Variants in COL4A3 observed in about 807,000 individuals in gnomAD.
COL4A3 encodes the protein collagen type IV alpha 3 chain, also known as collagen alpha-3(IV) chain.
A neutral mutation model predicts 217.4 loss-of-function variants in COL4A3; 135 were observed. The ratio of observed to expected loss-of-function variants is 0.62; its 90% confidence interval spans 0.54 to 0.72. The LOEUF is 0.72. Ranked by LOEUF, COL4A3 falls within the 30% of genes least tolerant of loss-of-function variation. The pLI, the probability that COL4A3 is intolerant of heterozygous loss-of-function variation, is 0.00. For missense variants in COL4A3, 1,868 were observed against 2,119.9 expected, an observed-to-expected ratio of 0.88 and a Z score of 2.33; for synonymous variants, 690 against 736.3, an observed-to-expected ratio of 0.94 and a Z score of 1.02.
intron 9 of COL4A3, among the ~76,000 whole-genome samples, chr2:227,249,230 A>ATATATATATTTTTTTTTTTTTTT: frequency 2.0e-4 from 3 of 14,690 alleles, no homozygotes; most frequent in African/African-American, 2.7e-4. Flanking sequence ...ATATATATAT[A>ATATATATATTTTTTTTTTTTTTT]TTTTTTTTTT....
intron 1 of COL4A3, among the ~76,000 whole-genome samples, chr2:227,175,671 G>T (rs57951559): frequency 6.6e-6 from 1 of 152,120 alleles, no homozygotes; most frequent in Admixed American, 6.5e-5. Flanking sequence ...GTCTGTCGTG[G>T]TTATGCTAAT....
chr2:227,180,270 T>C (rs962106747), intron 1 of COL4A3, among the ~76,000 whole-genome samples: 1 of 152,092 alleles, frequency 6.6e-6, no homozygotes, highest in African/African-American at 2.4e-5. Context: ...TGAGATGAGG[T>C]TCCAACTGAT....
intron 1 of COL4A3, among the ~76,000 whole-genome samples, chr2:227,198,222 T>C (rs1046452047): frequency 2.6e-5 from 4 of 152,310 alleles, no homozygotes; most frequent in African/African-American, 7.2e-5. Context: ...AACTTCCTGA[T>C]TGTAACCACT....
At chr2:227,300,077 A>C (rs2073211453) in intron 43 of COL4A3, among the ~76,000 whole-genome samples, 1 of 152,246 alleles carries the variant, frequency 6.6e-6, no homozygotes, top group Admixed American at 6.5e-5. Context: ...TTAACTATTT[A>C]TCAGCCTTGC....
chr2:227,264,312 G>T (rs949989741), intron 21 of COL4A3, among the ~76,000 whole-genome samples: 1 of 152,112 alleles, frequency 6.6e-6, no homozygotes, highest in African/African-American at 2.4e-5. Flanking sequence ...TTTGCTCCTA[G>T]TTCCCATGGG....
At chr2:227,265,748 T>C (rs1301067585) in intron 21 of COL4A3, 1 of 152,444 alleles carries the variant, frequency 6.6e-6, no homozygotes, top group Admixed American at 6.5e-5. Context: ...CTCAAGATGC[T>C]AAAGGGATTG....
At chr2:227,186,920 A>G (rs572099540) in intron 1 of COL4A3, among the ~76,000 whole-genome samples, 36 of 152,116 alleles carry the variant, frequency 2.4e-4, no homozygotes, top group Non-Finnish European at 5.0e-4. Context: ...CATAGATAAT[A>G]CTTTCTCATT....
At position 227,280,622 on chromosome 2, in the gene COL4A3, C is replaced by G. The variant is rs778640226; in HGVS notation, c.2374+32C>G. On this transcript the variant is annotated intron_variant, in intron 30 of 51. Transcript: ENST00000396578. ...TAGCAAGTGTCATTACTTTTCTCCA[C>G]TGTGAGCTCTGCTAAAATGCAGCAA... is the stretch of plus-strand genomic sequence containing the variant. The G allele has an allele frequency of 9.3e-6, 15 of 1,611,206 alleles. No individual in the cohort carries two copies. In the African/African-American group the frequency reaches 2.0e-4, roughly 21 times the overall value.
rs965162025 is a variant in COL4A3 at position 227,191,410 on chromosome 2, A to G, written c.87+26597A>G. 6.6e-5 allele frequency among the ~76,000 whole-genome samples: 10 copies of G among 152,226 alleles called. No individual in the cohort carries two copies. The highest frequency in any genetic ancestry group is 1.3e-4 in the Non-Finnish European group (9 of 68,040). On this transcript the variant is annotated intron_variant, in intron 1 of 51. Transcript: ENST00000396578. This position sits in a 1 kb window ranked among gnomAD's most constrained non-coding sequence, Gnocchi z 6.8. ...GGTGAGGGGGCAGGAAGAACAATAA[A>G]GAAAGCTAAGAAGTGTTTTGAAAAG...
chr2:227,178,456 A>G (rs547798888), intron 1 of COL4A3, among the ~76,000 whole-genome samples: 1 of 152,358 alleles, frequency 6.6e-6, no homozygotes, highest in South Asian at 2.1e-4. Flanking sequence ...GACGTTTATT[A>G]AAGTCATTTT....
chr2:227,189,873 G>C (rs2066165752), intron 1 of COL4A3, among the ~76,000 whole-genome samples: 1 of 152,006 alleles, frequency 6.6e-6, no homozygotes, highest in Non-Finnish European at 1.5e-5. Flanking sequence ...TTCCCTCGTG[G>C]TCTCAGCCAT....
chr2:227,185,102 G>A (rs552137904), intron 1 of COL4A3, among the ~76,000 whole-genome samples: 33 of 151,968 alleles, frequency 2.2e-4, no homozygotes, highest in Middle Eastern at 3.4e-3. Context: ...GGGTTTCACC[G>A]TGTTAGCCAG....
chr2:227,202,763 A>ATATATTATGTATATATATATG (rs1553738334), intron 1 of COL4A3, among the ~76,000 whole-genome samples: 1 of 109,632 alleles, frequency 9.1e-6, no homozygotes, highest in Admixed American at 1.0e-4. Flanking sequence ...ATATATATAT[A>ATATATTATGTATATATATATG]TATATATATC....
chr2:227,273,334 T>C (rs2071358020), intron 26 of COL4A3, among the ~76,000 whole-genome samples: 7 of 152,224 alleles, frequency 4.6e-5, no homozygotes. Context: ...TTTCCTAGAA[T>C]ATTCTATATC....
At chr2:227,223,194 T>C (rs543322429) in intron 1 of COL4A3, among the ~76,000 whole-genome samples, 21 of 152,232 alleles carry the variant, frequency 1.4e-4, no homozygotes, top group Middle Eastern at 3.4e-3. Context: ...GTACCGATTC[T>C]AGGCCTCAGA....
At position 227,259,855 on chromosome 2, in the gene COL4A3, C is replaced by T. The variant is rs2070434583; in HGVS notation, c.1092C>T (p.Pro364=). 8 of 1,613,096 alleles carry T rather than the reference C, an allele frequency of 5.0e-6. No homozygotes were observed. The highest frequency in any genetic ancestry group is 5.9e-6 in the Non-Finnish European group (7 of 1,179,120). Residue 364 remains proline (P), a synonymous_variant, in exon 19 of 52, where the codon CCC becomes CCT. Coordinates refer to ENST00000396578, the MANE Select transcript of COL4A3 (RefSeq NM_000091.5). ...GDEGTPGPPG[P]RGARGPQGPS... ...AAGGCACTCCAGGCCCACCAGGGCC[C>T]AGAGGAGCTCGTGGCCCACAAGGTA...
In COL4A3 at chr2:227,251,408, C is replaced by T. The variant is rs2069733367; in HGVS notation, c.645+37C>T. 4 of 1,602,286 alleles carry T rather than the reference C, an allele frequency of 2.5e-6. No homozygotes were observed. The African/African-American group carries it at 4.0e-5, about 16-fold the overall frequency. ...TTCATATGATGTAACAGCTAGCACA[C>T]CCTACTCAATCTCAAAGCCAAACCT... On this transcript the variant is annotated intron_variant, in intron 11 of 51. Coordinates refer to ENST00000396578, the MANE Select transcript of COL4A3 (RefSeq NM_000091.5).
rs955091627 is a variant in COL4A3, at chr2:227,203,988, T to C, written c.88-33980T>C. ...CAGGGCTTAATAAATATTCATTGAC[T>C]AACATTCAGCCTAGATAGAACCTGA... On this transcript the variant is annotated intron_variant, in intron 1 of 51. Transcript: ENST00000396578. 2.6e-5 allele frequency among the ~76,000 whole-genome samples: 4 copies of C among 152,104 alleles called. No homozygotes were observed. In the South Asian group the frequency reaches 6.2e-4, roughly 24 times the overall value.
intron 1 of COL4A3, among the ~76,000 whole-genome samples, chr2:227,178,531 A>AT (rs574143273): frequency 0.17 from 26,242 of 151,958 alleles, 2,410 homozygotes; most frequent in Admixed American, 0.26. Context: ...AGGTAATGTC[A>AT]TTATTTTATT....
Sources: gnomAD v4.1 joint callset for allele counts (sites outside exome capture counted in the v4.1 genomes callset) on GRCh38, gnomAD v4.1.1 for gene constraint, Gnocchi (gnomAD v3.1) non-coding constraint, MANE v1.5 for transcripts, NCBI Gene and HGNC (gene_info 2026-07-23, HGNC 2026-07-21) for gene names.